CBX5: variants seen among roughly 807,000 people sequenced by gnomAD.
The protein encoded by CBX5 is chromobox 5, also known as chromobox protein homolog 5.
A neutral mutation model predicts 20.7 loss-of-function variants in CBX5; 7 were observed. That is an observed-to-expected ratio of 0.34 (90% confidence interval 0.19 to 0.63). The LOEUF (loss-of-function observed/expected upper bound fraction) is 0.63. Ranked by LOEUF, CBX5 falls within the 30% of genes least tolerant of loss-of-function variation. The probability of loss-of-function intolerance (pLI) is 0.75; values close to 1 mark genes in which losing one functional copy is unlikely to be tolerated. For synonymous variants in CBX5, 78 were observed against 77.0 expected (o/e 1.01, Z -0.07); for missense variants, 110 against 224.1 (o/e 0.49, Z 3.25).
At chr12:54,263,235 C>G (rs2137025587) in intron 1 of CBX5, among the ~76,000 whole-genome samples, 1 of 151,998 alleles carries the variant, frequency 6.6e-6, no homozygotes, top group East Asian at 1.9e-4. Context: ...GTGGCAGGCA[C>G]CTGTTATCTC....
At chr12:54,269,452 A>T (rs1206489589) in intron 1 of CBX5, among the ~76,000 whole-genome samples, 1 of 151,772 alleles carries the variant, frequency 6.6e-6, no homozygotes, top group Non-Finnish European at 1.5e-5. Context: ...GCGGTGGTGC[A>T]ATCTCAGCTC....
intron 4 of CBX5, among the ~76,000 whole-genome samples, chr12:54,242,555 G>A (rs1229307683): frequency 6.7e-6 from 1 of 148,620 alleles, no homozygotes; most frequent in Non-Finnish European, 1.5e-5. Flanking sequence ...CCTACATTCA[G>A]CTCTATTGAT....
chr12:54,266,643 G>A (rs57281063), intron 1 of CBX5, among the ~76,000 whole-genome samples: 79,515 of 151,932 alleles, frequency 0.52, 23,030 homozygotes, highest in African/African-American at 0.77. Context: ...ATGTCCCCCA[G>A]GCTCTGATTA....
chr12:54,246,523 T>C (rs1943737309), intron 3 of CBX5, among the ~76,000 whole-genome samples: 1 of 152,194 alleles, frequency 6.6e-6, no homozygotes, highest in Non-Finnish European at 1.5e-5. Context: ...GGCTCACGCC[T>C]GTAATCTCAG....
At chr12:54,258,964 G>A (rs918160639) in intron 1 of CBX5, among the ~76,000 whole-genome samples, 4 of 151,438 alleles carry the variant, frequency 2.6e-5, no homozygotes, top group Admixed American at 6.6e-5. Context: ...ATTATTACAA[G>A]AATATATAGT....
intron 1 of CBX5, 132 bp downstream of exon 1, chr12:54,279,876 T>G (rs1330294905): frequency 1.3e-5 from 2 of 152,624 alleles, no homozygotes; most frequent in Non-Finnish European, 2.9e-5. Flanking sequence ...TGTTCTTCTA[T>G]TGGTTGGCCC....
intron 3 of CBX5, 32 bp downstream of exon 3, chr12:54,252,009 T>C (rs900858695): frequency 9.3e-6 from 14 of 1,504,732 alleles, no homozygotes; most frequent in African/African-American, 4.3e-5. Context: ...GGCAAAAGAA[T>C]AGTTTTTGGG....
intron 1 of CBX5, among the ~76,000 whole-genome samples, chr12:54,271,047 C>A (rs1211472529): frequency 6.6e-6 from 1 of 152,094 alleles, no homozygotes; most frequent in Non-Finnish European, 1.5e-5. Flanking sequence ...CAGAACAAGA[C>A]CCCGTTTAAA....
rs560930913 is a variant in CBX5, at chr12:54,232,106, G to C, written c.*9649C>G. 1 of 152,210 alleles carries C rather than the reference G, an allele frequency of 6.6e-6. No individual in the cohort carries two copies. The highest frequency in any genetic ancestry group is 6.5e-5 in the Admixed American group (1 of 15,282). 9.4% of individuals were successfully genotyped at this position (152,210 alleles called of 1,614,324 possible). On this transcript the variant is annotated 3_prime_UTR_variant, in exon 5 of 5. Coordinates refer to ENST00000209875, the MANE Select transcript of CBX5 (RefSeq NM_012117.3). ...ATACGCAGTAGCATCCCTGCCTCAC[G>C]ATTCCCTAATCCAATGCTCTTGAAT...
chr12:54,251,951 TAG>T lies in CBX5; in HGVS notation c.324+88_324+89del, dbSNP rs1943808931. 11 of 1,213,532 alleles carry T rather than the reference TAG, an allele frequency of 9.1e-6. No homozygotes were observed. In the East Asian group the frequency reaches 2.9e-4, roughly 32 times the overall value. 75.2% of individuals were successfully genotyped at this position (1,213,532 alleles called of 1,614,324 possible). A position where few individuals can be genotyped will look rare whatever the true frequency, so the allele number is the denominator to read the frequency against. On this transcript the variant is annotated intron_variant, in intron 3 of 4. Coordinates refer to ENST00000209875, the MANE Select transcript of CBX5 (RefSeq NM_012117.3). ...TTACCTTATAGGTCCATCCTTACAATAGAAATAACCAAAATATGATACTTTTA... is the reference window on the plus strand; with the variant it reads ...TTACCTTATAGGTCCATCCTTACAATAAATAACCAAAATATGATACTTTTA...
chr12:54,271,261 CTGTTT>C (rs1446513468), intron 1 of CBX5, among the ~76,000 whole-genome samples: 1 of 152,158 alleles, frequency 6.6e-6, no homozygotes, highest in Admixed American at 6.5e-5. Context: ...TTTCATCTAC[CTGTTT>C]TATCAATTAC....
At chr12:54,257,743 C>CT (rs1565871218) in intron 1 of CBX5, 51 bp from the exon 2 acceptor site, 2 of 1,451,710 alleles carry the variant, frequency 1.4e-6, no homozygotes, top group African/African-American at 1.4e-5. Flanking sequence ...GAGTTAAAAA[C>CT]TTTGTCTTTT....
At chr12:54,251,599 C>T (rs1592157366) in intron 3 of CBX5, among the ~76,000 whole-genome samples, 1 of 151,144 alleles carries the variant, frequency 6.6e-6, no homozygotes, top group African/African-American at 2.4e-5. Context: ...GCATGAGAAT[C>T]GCTTAAAGCC....
At chr12:54,276,567 C>G (rs139328331) in intron 1 of CBX5, 1 of 152,322 alleles carries the variant, frequency 6.6e-6, no homozygotes, top group South Asian at 2.1e-4. Flanking sequence ...AAGGGACCAT[C>G]TGTACAAGTG....
At chr12:54,264,312 T>G (rs1370920530) in intron 1 of CBX5, among the ~76,000 whole-genome samples, 1 of 152,190 alleles carries the variant, frequency 6.6e-6, no homozygotes, top group Non-Finnish European at 1.5e-5. Context: ...CACGCCACCA[T>G]GCCTGGCTAC....
rs1250546462 is a variant in CBX5, at chr12:54,236,577, C to A, written c.*5178G>T. 6.6e-6 allele frequency: 1 copy of A among 152,190 alleles called. No individual in the cohort carries two copies. The highest frequency in any genetic ancestry group is 2.1e-4 in the South Asian group (1 of 4,836). The allele number at this position is 152,190 out of a possible 1,614,324, so 9.4% of individuals were successfully genotyped here. ...ACTGGCTCCAGACCTTTCCTCTCTGCCTTGCCACAGGCATGCTTGGTGGTC... is the reference window on the plus strand; with the variant it reads ...ACTGGCTCCAGACCTTTCCTCTCTGACTTGCCACAGGCATGCTTGGTGGTC... On this transcript the variant is annotated 3_prime_UTR_variant, in exon 5 of 5. Coordinates refer to ENST00000209875, the MANE Select transcript of CBX5 (RefSeq NM_012117.3).
Position 54,241,604 on chromosome 12 carries a change from G to C in CBX5, c.*151C>G. 1 of 679,208 alleles carries C rather than the reference G, an allele frequency of 1.5e-6. No individual in the cohort carries two copies. Among genetic ancestry groups the C allele is most frequent in the Non-Finnish European group, 2.5e-6 (1 of 400,990 alleles). The allele number at this position is 679,208 out of a possible 1,614,324, so 42.1% of individuals were successfully genotyped here. On this transcript the variant is annotated 3_prime_UTR_variant, in exon 5 of 5. Coordinates refer to ENST00000209875, the MANE Select transcript of CBX5 (RefSeq NM_012117.3). Reference sequence around the variant, plus strand: ...TCAGACCATCAGTTATGTTACAAGAGAACCAATACCAACATTTCTCCTGTG... The same window carrying C: ...TCAGACCATCAGTTATGTTACAAGACAACCAATACCAACATTTCTCCTGTG...
chr12:54,275,320 G>A (rs1944052887), intron 1 of CBX5, among the ~76,000 whole-genome samples: 1 of 151,944 alleles, frequency 6.6e-6, no homozygotes. Context: ...TCGGCTCACT[G>A]TAACCTCCGC....
At chr12:54,242,702 G>A (rs1020462003) in intron 4 of CBX5, among the ~76,000 whole-genome samples, 25 of 151,788 alleles carry the variant, frequency 1.6e-4, no homozygotes, top group African/African-American at 4.8e-4. Flanking sequence ...TTGGAACAAC[G>A]AGCAAATAAA....
Sources: allele counts gnomAD v4.1 joint callset (sites outside exome capture counted in the v4.1 genomes callset), GRCh38; gene constraint gnomAD v4.1.1; transcripts MANE v1.5; gene names NCBI Gene and HGNC (gene_info 2026-07-23, HGNC 2026-07-21).